The following ELMO1 variants were observed in gnomAD, a reference collection of about 807,000 sequenced individuals.
The protein encoded by ELMO1 is engulfment and cell motility protein 1.
ELMO1 carries 26 observed loss-of-function variants against 98.9 expected under a neutral mutation model. That is an observed-to-expected ratio of 0.26 (90% CI 0.19 to 0.36). ELMO1 has a LOEUF of 0.36. ELMO1 is among the 10% of genes least tolerant of loss of function. The pLI is 1.00. For missense variants in ELMO1, 627 were observed against 935.2 expected, an observed-to-expected ratio of 0.67 and a Z score of 4.30; for synonymous variants, 346 against 346.0, an observed-to-expected ratio of 1.00 and a Z score of 0.00.
intron 15 of ELMO1, among the ~76,000 whole-genome samples, chr7:37,015,212 T>C (rs1279703930): frequency 6.8e-6 from 1 of 147,986 alleles, no homozygotes; most frequent in East Asian, 2.0e-4. Context: ...AGTCCGGGGG[T>C]GGGGTGGGGG....
intron 15 of ELMO1, among the ~76,000 whole-genome samples, chr7:37,060,395 A>G (rs1796604832): frequency 6.6e-6 from 1 of 152,212 alleles, no homozygotes; most frequent in Admixed American, 6.5e-5. Flanking sequence ...TCCTGAGTGA[A>G]TTAACCCAGG....
intron 14 of ELMO1, among the ~76,000 whole-genome samples, chr7:37,129,860 A>T (rs1786786437): frequency 6.6e-6 from 1 of 152,212 alleles, no homozygotes; most frequent in East Asian, 1.9e-4. Flanking sequence ...GGCTTAAGAC[A>T]TCCCCACTGA....
chr7:37,196,373 C>T (rs1365780123), intron 13 of ELMO1, among the ~76,000 whole-genome samples: 2 of 152,214 alleles, frequency 1.3e-5, no homozygotes, highest in Non-Finnish European at 2.9e-5. Flanking sequence ...ACTGGAAGCA[C>T]AATTTTGCTT....
chr7:37,088,922 C>A (rs1038547944), intron 15 of ELMO1, among the ~76,000 whole-genome samples: 29 of 151,856 alleles, frequency 1.9e-4, no homozygotes, highest in African/African-American at 7.0e-4. Context: ...AAGAGTAGAA[C>A]GTGAAAATTC....
At chr7:36,902,674 G>T (rs1382128290) in intron 16 of ELMO1, among the ~76,000 whole-genome samples, 2 of 152,186 alleles carry the variant, frequency 1.3e-5, no homozygotes, top group African/African-American at 2.4e-5. Context: ...ACCTGGATTT[G>T]TGACCATCCG....
chr7:36,925,010 A>C (rs1000312780), intron 16 of ELMO1, among the ~76,000 whole-genome samples: 25 of 152,164 alleles, frequency 1.6e-4, no homozygotes, highest in African/African-American at 6.0e-4. Context: ...TGGTGGTGGG[A>C]GTGCTACTGG....
chr7:37,153,872 G>A (rs762772507), intron 13 of ELMO1, among the ~76,000 whole-genome samples: 6 of 152,186 alleles, frequency 3.9e-5, no homozygotes, highest in Non-Finnish European at 7.3e-5. Flanking sequence ...CCTGACCCCC[G>A]AGTAGCCTGA....
At chr7:36,895,434 G>A (rs1033370604) in intron 16 of ELMO1, among the ~76,000 whole-genome samples, 1 of 152,118 alleles carries the variant, frequency 6.6e-6, no homozygotes, top group Non-Finnish European at 1.5e-5. Flanking sequence ...AATTAACTGT[G>A]GAAGTTTGGC....
intron 7 of ELMO1, among the ~76,000 whole-genome samples, chr7:37,238,125 C>T (rs1794577099): frequency 6.6e-6 from 1 of 152,080 alleles, no homozygotes; most frequent in African/African-American, 2.4e-5. Context: ...GCTCTGTGTC[C>T]CTGCCAAAGG....
At chr7:37,019,107 G>A (rs766865243) in intron 15 of ELMO1, among the ~76,000 whole-genome samples, 6 of 152,224 alleles carry the variant, frequency 3.9e-5, no homozygotes, top group Non-Finnish European at 5.9e-5. Context: ...CTCTGAATGT[G>A]TAACAACGAC....
chr7:37,169,297 T>C (rs1352641885), intron 13 of ELMO1, among the ~76,000 whole-genome samples: 1 of 152,220 alleles, frequency 6.6e-6, no homozygotes, highest in Non-Finnish European at 1.5e-5. Context: ...ACTTCCCGAG[T>C]GAGGCAATGC....
chr7:37,257,340 G>T (rs1007735723), intron 6 of ELMO1, among the ~76,000 whole-genome samples: 2 of 151,806 alleles, frequency 1.3e-5, no homozygotes, highest in African/African-American at 4.8e-5. Flanking sequence ...TGTAATCCCA[G>T]CACTTTGGGA....
At chr7:36,882,523 A>T (rs1407071277) in intron 18 of ELMO1, among the ~76,000 whole-genome samples, 1 of 152,204 alleles carries the variant, frequency 6.6e-6, no homozygotes, top group African/African-American at 2.4e-5. Context: ...TTTGATTCTG[A>T]ATTCTGCCTC....
At chr7:37,345,571 C>T (rs1800958886) in intron 1 of ELMO1, among the ~76,000 whole-genome samples, 1 of 152,060 alleles carries the variant, frequency 6.6e-6, no homozygotes, top group South Asian at 2.1e-4. Context: ...ATTAGCCTGG[C>T]GTGGTGGTGC....
At chr7:37,085,839 G>T (rs1246335274) in intron 15 of ELMO1, among the ~76,000 whole-genome samples, 3 of 152,176 alleles carry the variant, frequency 2.0e-5, no homozygotes, top group Non-Finnish European at 4.4e-5. Flanking sequence ...TGTTATATTT[G>T]TGATTTTGTT....
chr7:37,220,374 A>C lies in ELMO1; in HGVS notation c.780+2241T>G, dbSNP rs547388233. ...TGAATGAGTCATATAATACTTCATA[A>C]ATTTCTGCTGAATTATATACAGTCT... On this transcript the variant is annotated intron_variant, in intron 10 of 21. Transcript: ENST00000310758. Among the ~76,000 whole-genome samples, 7 of 152,280 alleles carry C rather than the reference A, an allele frequency of 4.6e-5. No individual in the cohort carries two copies. In the East Asian group the frequency reaches 7.7e-4, roughly 17 times the overall value.
intron 20 of ELMO1, among the ~76,000 whole-genome samples, chr7:36,868,547 A>G (rs964493977): frequency 2.0e-5 from 3 of 151,926 alleles, no homozygotes; most frequent in Non-Finnish European, 2.9e-5. Flanking sequence ...AGGTTTCACT[A>G]TGTTGGCCAG....
chr7:36,904,694 T>C (rs901520972), intron 16 of ELMO1, among the ~76,000 whole-genome samples: 7 of 152,206 alleles, frequency 4.6e-5, no homozygotes, highest in Non-Finnish European at 1.0e-4. Flanking sequence ...TAGTGCTCAG[T>C]TGAAGAACAA....
chr7:37,098,424 G>T (rs1784473060), intron 14 of ELMO1, among the ~76,000 whole-genome samples: 1 of 152,202 alleles, frequency 6.6e-6, no homozygotes. Context: ...AGAGTAACAG[G>T]GAATGCTTGG....
Sources: allele counts gnomAD v4.1 joint callset (sites outside exome capture counted in the v4.1 genomes callset), GRCh38; gene constraint gnomAD v4.1.1; transcripts MANE v1.5; gene names NCBI Gene and HGNC (gene_info 2026-07-23, HGNC 2026-07-21).